The following SNTG1 variants were observed in gnomAD, a reference collection of about 807,000 sequenced individuals.
SNTG1 encodes the protein syntrophin gamma 1, also known as gamma-1-syntrophin.
Under a neutral mutation model 74.7 loss-of-function variants are expected in SNTG1, and 39 were observed. The observed-to-expected ratio is 0.52, with a 90% CI of 0.40 to 0.68. The LOEUF is 0.68. Ranked by LOEUF, SNTG1 falls within the 30% of genes least tolerant of loss-of-function variation. The pLI, the probability that SNTG1 is intolerant of heterozygous loss-of-function variation, is 0.00. For synonymous variants in SNTG1, 254 were observed against 217.1 expected, an observed-to-expected ratio of 1.17 and a Z score of -1.49; for missense variants, 685 against 609.5, an observed-to-expected ratio of 1.12 and a Z score of -1.30.
chr8:49,994,079 T>A (rs1295544714), intron 1 of SNTG1, among the ~76,000 whole-genome samples: 4 of 152,098 alleles, frequency 2.6e-5, no homozygotes, highest in Non-Finnish European at 4.4e-5. Flanking sequence ...TCAGTGTTTT[T>A]AAATTGTGAT....
intron 9 of SNTG1, among the ~76,000 whole-genome samples, chr8:50,521,255 C>T (rs989865249): frequency 1.3e-5 from 2 of 152,028 alleles, no homozygotes; most frequent in Non-Finnish European, 2.9e-5. Flanking sequence ...ACATCACACA[C>T]CAAGGCCTGA....
At chr8:50,653,919 G>A (rs906335754) in intron 13 of SNTG1, among the ~76,000 whole-genome samples, 10 of 152,088 alleles carry the variant, frequency 6.6e-5, no homozygotes, top group East Asian at 5.8e-4. Context: ...GAGTAAATGT[G>A]GAAACATATA....
chr8:50,536,608 A>G lies in SNTG1; in HGVS notation c.550-70A>G, dbSNP rs564005673. On this transcript the variant is annotated intron_variant, in intron 10 of 18. Transcript: ENST00000642720. ...GGAAAAATAATATCCCCCAGATAAAAGGGGTTTGAGATACAGAAACTCAAA... is the reference window on the plus strand; with the variant it reads ...GGAAAAATAATATCCCCCAGATAAAGGGGGTTTGAGATACAGAAACTCAAA... 1.6e-5 allele frequency: 24 copies of G among 1,538,216 alleles called. No individual in the cohort carries two copies. The South Asian group carries it at 2.6e-4, about 17-fold the overall frequency.
intron 1 of SNTG1, among the ~76,000 whole-genome samples, chr8:50,026,396 T>C (rs1186669310): frequency 6.6e-6 from 1 of 152,184 alleles, no homozygotes; most frequent in East Asian, 1.9e-4. Context: ...TTTCCTGTTC[T>C]AATTGTAATA....
chr8:50,142,785 G>A (rs1382383984), intron 1 of SNTG1, among the ~76,000 whole-genome samples: 1 of 152,066 alleles, frequency 6.6e-6, no homozygotes, highest in Non-Finnish European at 1.5e-5. Context: ...TAAAAATAAA[G>A]TCCATGACCA....
At chr8:50,367,934 G>A (rs776874914) in intron 2 of SNTG1, among the ~76,000 whole-genome samples, 7 of 152,078 alleles carry the variant, frequency 4.6e-5, no homozygotes, top group Non-Finnish European at 1.0e-4. Context: ...TGGGAACTGG[G>A]CAATAGGGTA....
At chr8:50,065,308 A>T (rs1402572400) in intron 1 of SNTG1, among the ~76,000 whole-genome samples, 4 of 152,202 alleles carry the variant, frequency 2.6e-5, no homozygotes, top group African/African-American at 9.6e-5. Context: ...CATGTTTTTT[A>T]TCTTATTTTT....
At chr8:50,096,905 C>G (rs420489) in intron 1 of SNTG1, among the ~76,000 whole-genome samples, 94,333 of 151,924 alleles carry the variant, frequency 0.62, 29,637 homozygotes, top group East Asian at 0.84. Context: ...TAGTGTTACT[C>G]AAAAAGTAGC....
At chr8:50,299,482 G>T (rs2089545672) in intron 2 of SNTG1, among the ~76,000 whole-genome samples, 1 of 151,952 alleles carries the variant, frequency 6.6e-6, no homozygotes, top group African/African-American at 2.4e-5. Context: ...TAGTCTTTTG[G>T]GGAACAAAGA....
chr8:50,326,086 T>A (rs558239243), intron 2 of SNTG1, among the ~76,000 whole-genome samples: 30 of 152,204 alleles, frequency 2.0e-4, no homozygotes, highest in African/African-American at 7.0e-4. Flanking sequence ...TCCAAGTGGC[T>A]GTAGTGTATA....
At chr8:50,352,779 A>G (rs1010142639) in intron 2 of SNTG1, among the ~76,000 whole-genome samples, 5 of 152,182 alleles carry the variant, frequency 3.3e-5, no homozygotes, top group African/African-American at 1.2e-4. Context: ...CTTGTCCTAC[A>G]ATATTTAGGC....
intron 2 of SNTG1, among the ~76,000 whole-genome samples, chr8:50,349,227 T>C (rs1179678072): frequency 6.6e-6 from 1 of 152,204 alleles, no homozygotes; most frequent in Non-Finnish European, 1.5e-5. Context: ...ACAAATTGTC[T>C]GTGGGGACCT....
chr8:50,531,993 C>G (rs1257742916), intron 10 of SNTG1, among the ~76,000 whole-genome samples: 2 of 152,152 alleles, frequency 1.3e-5, no homozygotes, highest in East Asian at 3.9e-4. Flanking sequence ...CCTTATAAAA[C>G]TGTAATTACA....
At chr8:50,283,774 T>C (rs2088608429) in intron 2 of SNTG1, among the ~76,000 whole-genome samples, 1 of 152,190 alleles carries the variant, frequency 6.6e-6, no homozygotes, top group Admixed American at 6.6e-5. Flanking sequence ...TTTCTTGATG[T>C]AGGCATAATA....
At chr8:50,390,506 G>A (rs529854833) in intron 2 of SNTG1, among the ~76,000 whole-genome samples, 24 of 152,286 alleles carry the variant, frequency 1.6e-4, no homozygotes, top group African/African-American at 5.8e-4. Context: ...GTAGCTTGAT[G>A]CCTCCAGCTT....
chr8:50,405,883 C>T (rs1181004322), intron 4 of SNTG1, among the ~76,000 whole-genome samples: 1 of 151,868 alleles, frequency 6.6e-6, no homozygotes, highest in African/African-American at 2.4e-5. Flanking sequence ...AATCATGTGC[C>T]GTATATATAA....
At chr8:50,350,296 G>A (rs1020359565) in intron 2 of SNTG1, among the ~76,000 whole-genome samples, 5 of 152,184 alleles carry the variant, frequency 3.3e-5, no homozygotes, top group African/African-American at 1.2e-4. Context: ...CAAGGGCTGA[G>A]GAGTGTGGGC....
chr8:50,146,387 G>A lies in SNTG1; in HGVS notation c.-102-26174G>A, dbSNP rs28560363. Among the ~76,000 whole-genome samples, 1,208 of 152,108 alleles carry A rather than the reference G, an allele frequency of 7.9e-3. 16 individuals carry two copies. Among genetic ancestry groups the A allele is most frequent in the African/African-American group, 0.028 (1,163 of 41,510 alleles). On this transcript the variant is annotated intron_variant, in intron 1 of 18. Transcript: ENST00000642720. ...AAAAAAATTAGCCAGGCGTGGTGGCGCATGCCTTTAATCCAAGCTACTTGG... is the reference window on the plus strand; with the variant it reads ...AAAAAAATTAGCCAGGCGTGGTGGCACATGCCTTTAATCCAAGCTACTTGG...
At chr8:50,396,957 C>T (rs1164114434) in intron 3 of SNTG1, among the ~76,000 whole-genome samples, 2 of 152,100 alleles carry the variant, frequency 1.3e-5, no homozygotes, top group Admixed American at 1.3e-4. Flanking sequence ...TCTTGATTTG[C>T]AGAAAGCATA....
Sources: gnomAD v4.1 joint callset for allele counts (sites outside exome capture counted in the v4.1 genomes callset) on GRCh38, gnomAD v4.1.1 for gene constraint, MANE v1.5 for transcripts, NCBI Gene and HGNC (gene_info 2026-07-23, HGNC 2026-07-21) for gene names.